Variants in SPTBN2 observed in about 807,000 individuals in gnomAD.
The protein encoded by SPTBN2 is spectrin beta chain, non-erythrocytic 2.
Under a neutral mutation model 284.2 loss-of-function variants are expected in SPTBN2, and 107 were observed. That is an observed-to-expected ratio of 0.38 (90% CI 0.32 to 0.44). SPTBN2 has a LOEUF of 0.44. Ranked by LOEUF, SPTBN2 falls within the 20% of genes least tolerant of loss-of-function variation. SPTBN2 has a pLI of 1.00. For missense variants in SPTBN2, 2,569 were observed against 3,287.1 expected (o/e 0.78, Z 5.34); for synonymous variants, 1,289 against 1,354.8 (o/e 0.95, Z 1.07).
At chr11:66,706,623 G>C (rs1340952625) in intron 13 of SPTBN2, among the ~76,000 whole-genome samples, 2 of 147,976 alleles carry the variant, frequency 1.4e-5, no homozygotes, top group East Asian at 2.0e-4. Flanking sequence ...GAGCCACCTT[G>C]CCTAGCTGCT....
chr11:66,715,478 A>G lies in SPTBN2; in HGVS notation c.310-83T>C. 1 of 1,520,534 alleles carries G rather than the reference A, an allele frequency of 6.6e-7. No homozygotes were observed. The highest frequency in any genetic ancestry group is 8.9e-7 in the Non-Finnish European group (1 of 1,126,208). The allele number at this position is 1,520,534 out of a possible 1,614,324, so 94.2% of individuals were successfully genotyped here. ...GCCTTCACAGGGCCCAGCTTTGCACACCTTCCCCATGACCTACCTCAGGAA... is the reference window on the plus strand; with the variant it reads ...GCCTTCACAGGGCCCAGCTTTGCACGCCTTCCCCATGACCTACCTCAGGAA... On this transcript the variant is annotated intron_variant, in intron 4 of 37. Coordinates refer to ENST00000533211, the MANE Select transcript of SPTBN2 (RefSeq NM_006946.4). This position sits in a 1 kb window ranked among gnomAD's most constrained non-coding sequence, Gnocchi z 5.3.
chr11:66,704,473 A>G, intron 15 of SPTBN2, 125 bp downstream of exon 15: 1 of 1,180,718 alleles, frequency 8.5e-7, no homozygotes, highest in South Asian at 1.6e-5. Context: ...TAAAACTAGA[A>G]ATGGACAACC....
intron 19 of SPTBN2, 58 bp downstream of exon 19, chr11:66,698,934 A>G: frequency 6.2e-7 from 1 of 1,606,956 alleles, no homozygotes. Flanking sequence ...GACTTATTCT[A>G]GGCTCAAGGT....
chr11:66,732,778 C>T (rs186229068), upstream of SPTBN2, among the ~76,000 whole-genome samples: 1 of 149,236 alleles, frequency 6.7e-6, no homozygotes, highest in East Asian at 2.0e-4. Context: ...CTAGCCTGGC[C>T]AACATGGTGA....
rs1298209002 is a variant in SPTBN2 at position 66,701,667 on chromosome 11, C to A, written c.2733G>T (p.Val911=). ...MNTLAAQITA[V]NDIAEQLLKA... is the part of the protein sequence containing the mutation. The stretch of plus-strand genomic sequence containing the variant: ...TCAGTAACTGCTCGGCAATGTCATT[C>A]ACCGCGGTGATTTGTGCTGCAAGGG... Residue 911 remains valine (V), a synonymous_variant, in exon 16 of 38, where the codon GTG becomes GTT. Transcript: ENST00000533211. 2 of 1,613,932 alleles carry A rather than the reference C, an allele frequency of 1.2e-6. No individual in the cohort carries two copies. The highest frequency in any genetic ancestry group is 2.2e-5 in the East Asian group (1 of 44,872).
chr11:66,721,629 G>A lies in SPTBN2; in HGVS notation c.-113-189C>T, dbSNP rs1590982764. On this transcript the variant is annotated intron_variant, in intron 1 of 37. Transcript: ENST00000533211. ...TGTGCAGCCCAGGGTAATGCAGGCAGCACATATGGGGCCCCACAGGCAATA... is the reference window on the plus strand; with the variant it reads ...TGTGCAGCCCAGGGTAATGCAGGCAACACATATGGGGCCCCACAGGCAATA... Among the ~76,000 whole-genome samples the A allele has an allele frequency of 2.6e-5, 4 of 152,162 alleles. 1 individual carries two copies. The South Asian group carries it at 8.3e-4, about 31-fold the overall frequency.
intron 1 of SPTBN2, among the ~76,000 whole-genome samples, chr11:66,727,488 A>C (rs1277939137): frequency 6.6e-6 from 1 of 152,208 alleles, no homozygotes; most frequent in Non-Finnish European, 1.5e-5. Flanking sequence ...CCGGAGCCGG[A>C]ACACCCCCGC....
intron 20 of SPTBN2, among the ~76,000 whole-genome samples, chr11:66,697,538 C>T (rs1940989728): frequency 6.6e-6 from 1 of 152,206 alleles, no homozygotes; most frequent in African/African-American, 2.4e-5. Context: ...TGCTCCCAAA[C>T]AGGCACTGCC....
At position 66,699,620 on chromosome 11, in the gene SPTBN2, G is replaced by A. The variant is rs1467367820; in HGVS notation, c.3574-12C>T. ...GACAGAACATATTCCTGTGTGGGAGGGATGACATTCAGCTCATTTTCCCCA... is the reference window on the plus strand; with the variant it reads ...GACAGAACATATTCCTGTGTGGGAGAGATGACATTCAGCTCATTTTCCCCA... On this transcript the variant is annotated splice_polypyrimidine_tract_variant and intron_variant, in intron 17 of 37. Transcript: ENST00000533211. 5 of 1,613,578 alleles carry A rather than the reference G, an allele frequency of 3.1e-6. No individual in the cohort carries two copies. Among genetic ancestry groups the A allele is most frequent in the Admixed American group, 1.7e-5 (1 of 60,002 alleles).
At chr11:66,711,496 G>T (rs1941864295) in intron 8 of SPTBN2, among the ~76,000 whole-genome samples, 1 of 152,138 alleles carries the variant, frequency 6.6e-6, no homozygotes, top group Non-Finnish European at 1.5e-5. Flanking sequence ...AGCTCAGTGG[G>T]GACAGAGGCC....
intron 20 of SPTBN2, 77 bp from the exon 21 acceptor site, chr11:66,696,617 T>TA (rs1196931198): frequency 6.3e-7 from 1 of 1,586,552 alleles, no homozygotes; most frequent in Non-Finnish European, 8.6e-7. Flanking sequence ...CCAGGGGCCT[T>TA]ACGGGCAGTA....
intron 3 of SPTBN2, among the ~76,000 whole-genome samples, chr11:66,716,235 G>A (rs1942141664): frequency 6.6e-6 from 1 of 152,222 alleles, no homozygotes; most frequent in South Asian, 2.1e-4. Context: ...TGTAATCCCA[G>A]CACTTTGGGA....
chr11:66,693,476 G>C lies in SPTBN2; in HGVS notation c.4594-30C>G. On this transcript the variant is annotated intron_variant, in intron 23 of 37. Coordinates refer to ENST00000533211, the MANE Select transcript of SPTBN2 (RefSeq NM_006946.4). The surrounding 1 kb of genome is among the most constrained non-coding windows in gnomAD (Gnocchi z 5.7). The stretch of plus-strand genomic sequence containing the variant: ...CCATGGCCACAGAAGAGAAAATGCT[G>C]AAAGTCCTGCCCCAGCCCCACGTGC... 1 of 1,588,052 alleles carries C rather than the reference G, an allele frequency of 6.3e-7. No homozygotes were observed. Among genetic ancestry groups the C allele is most frequent in the Non-Finnish European group, 8.5e-7 (1 of 1,175,090 alleles).
rs760739785 is a variant in SPTBN2 at position 66,696,505 on chromosome 11, C to G, written c.4050G>C (p.Leu1350=). The G allele has an allele frequency of 6.2e-7, 1 of 1,612,166 alleles. No individual in the cohort carries two copies. The highest frequency in any genetic ancestry group is 1.1e-5 in the South Asian group (1 of 91,090). Residue 1350 remains leucine (L), a synonymous_variant, in exon 21 of 38, where the codon CTG becomes CTC. Transcript: ENST00000533211. ...TCAGCTTCTCCGACACCAGGGCTTT[C>G]AGCTCTGGCTTCTCAAGGGTGAGCT... ...GRELTLEKPE[L]KALVSEKLRD... is the part of the protein sequence containing the mutation.
At position 66,684,473 on chromosome 11, in the gene SPTBN2, A is replaced by AAAAC. The variant is rs903930086; in HGVS notation, c.*1394_*1397dup. On this transcript the variant is annotated 3_prime_UTR_variant, in exon 38 of 38. Coordinates refer to ENST00000533211, the MANE Select transcript of SPTBN2 (RefSeq NM_006946.4). The stretch of plus-strand genomic sequence containing the variant: ...ACATAGTGAGACCCCGTCTCTACAA[A>AAAAC]AAACAAACAGACTTAGTCGGGTATG... Among the ~76,000 whole-genome samples the AAAAC allele has an allele frequency of 1.3e-5, 2 of 152,122 alleles. No individual in the cohort carries two copies. Among genetic ancestry groups the AAAAC allele is most frequent in the Non-Finnish European group, 2.9e-5 (2 of 68,018 alleles).
intron 36 of SPTBN2, 198 bp downstream of exon 36, chr11:66,686,796 C>G: frequency 2.7e-6 from 2 of 734,104 alleles, no homozygotes; most frequent in South Asian, 3.5e-5. Context: ...AGGCCTGGGT[C>G]TTGGTTCTCC....
intron 29 of SPTBN2, chr11:66,689,497 A>G: frequency 1.8e-6 from 1 of 543,534 alleles, no homozygotes; most frequent in Non-Finnish European, 3.3e-6. Flanking sequence ...GCCCAGCCAC[A>G]CAACCCATGG....
At chr11:66,729,509 A>C (rs1317631199), upstream of SPTBN2, among the ~76,000 whole-genome samples, 3 of 152,170 alleles carry the variant, frequency 2.0e-5, no homozygotes, top group African/African-American at 7.2e-5. Flanking sequence ...AGGTTTTATA[A>C]TAGATTTATG....
rs1246175977 is a variant in SPTBN2, at chr11:66,704,908, G to A, written c.2368C>T (p.Arg790Trp). The A allele has an allele frequency of 9.3e-6, 15 of 1,611,500 alleles. No individual in the cohort carries two copies. The highest frequency in any genetic ancestry group is 1.3e-5 in the Non-Finnish European group (15 of 1,179,912). ...CTTCGAATCTCCTCCTCCAGGGCCCGATGCTGCCTGGCTAGAGCCTGCGTG... is the reference window on the plus strand; with the variant it reads ...CTTCGAATCTCCTCCTCCAGGGCCCAATGCTGCCTGGCTAGAGCCTGCGTG... ...FSTQALARQH[R>W]ALEEEIRSHR... Residue 790 changes from arginine to tryptophan, a missense_variant, in exon 15 of 38, where the codon CGG becomes TGG. Transcript: ENST00000533211.
Sources: allele counts gnomAD v4.1 joint callset (sites outside exome capture counted in the v4.1 genomes callset), GRCh38; gene constraint gnomAD v4.1.1; non-coding constraint Gnocchi (gnomAD v3.1); transcripts MANE v1.5; gene names NCBI Gene and HGNC (gene_info 2026-07-23, HGNC 2026-07-21).